Variants in NALCN observed in about 807,000 individuals in gnomAD.
NALCN encodes the protein sodium leak channel NALCN.
In NALCN, 111 loss-of-function variants were observed where a neutral mutation model predicts 225.3. The observed-to-expected ratio is 0.49, with a 90% CI of 0.42 to 0.58. The LOEUF (loss-of-function observed/expected upper bound fraction) is 0.58, where lower values mean the gene tolerates loss of function less well. NALCN is among the 20% of genes least tolerant of loss of function. NALCN has a pLI of 0.00. For synonymous variants in NALCN, 764 were observed against 769.0 expected, an observed-to-expected ratio of 0.99 and a Z score of 0.11; for missense variants, 1,378 against 2,202.4, an observed-to-expected ratio of 0.63 and a Z score of 7.49.
intron 6 of NALCN, among the ~76,000 whole-genome samples, chr13:101,350,094 CACTGGCCACCCT>C (rs1206049953): frequency 6.6e-6 from 1 of 152,168 alleles, no homozygotes; most frequent in Non-Finnish European, 1.5e-5. Context: ...CTGGCCTCCT[CACTGGCCACCCT>C]GCCTCCCACT....
chr13:101,287,759 G>A (rs1224863624), intron 9 of NALCN, among the ~76,000 whole-genome samples: 1 of 152,172 alleles, frequency 6.6e-6, no homozygotes, highest in East Asian at 1.9e-4. Flanking sequence ...ATTTGCAACT[G>A]CTACAGTTTT....
At chr13:101,194,756 C>A (rs2039821504) in intron 13 of NALCN, among the ~76,000 whole-genome samples, 1 of 152,208 alleles carries the variant, frequency 6.6e-6, no homozygotes, top group Non-Finnish European at 1.5e-5. Flanking sequence ...GTAATCCCAG[C>A]ACTTTGGGAG....
At chr13:101,395,952 A>G (rs544236934) in intron 2 of NALCN, among the ~76,000 whole-genome samples, 1 of 152,294 alleles carries the variant, frequency 6.6e-6, no homozygotes, top group Admixed American at 6.5e-5. Context: ...TATCTGATAT[A>G]TAATGCCTTT....
Position 101,055,127 on chromosome 13 carries a change from A to C in NALCN, c.*168T>G. 1 of 617,850 alleles carries C rather than the reference A, an allele frequency of 1.6e-6. No individual in the cohort carries two copies. The allele number at this position is 617,850 out of a possible 1,614,324, so 38.3% of individuals were successfully genotyped here. ...GAGCAATGATTGATAGTAACCCATC[A>C]TACATGCAGCTTATGCCTTTCTGTG... On this transcript the variant is annotated 3_prime_UTR_variant, in exon 44 of 44. Transcript: ENST00000251127.
rs1030911987 is a variant in NALCN, at chr13:101,286,110, T to C, written c.1048-2091A>G. 2.7e-4 allele frequency among the ~76,000 whole-genome samples: 41 copies of C among 152,240 alleles called. 1 individual carries two copies. The highest frequency in any genetic ancestry group is 2.5e-3 in the Admixed American group (38 of 15,290). Reference sequence around the variant, plus strand: ...TCAATTTCTCTTTAATCCCCTGAATTATACAACATTTAGATTGGTTAATAT... The same window carrying C: ...TCAATTTCTCTTTAATCCCCTGAATCATACAACATTTAGATTGGTTAATAT... On this transcript the variant is annotated intron_variant, in intron 9 of 43. Coordinates refer to ENST00000251127, the MANE Select transcript of NALCN (RefSeq NM_052867.4).
chr13:101,183,454 T>C (rs922919579), intron 14 of NALCN, among the ~76,000 whole-genome samples: 32 of 152,194 alleles, frequency 2.1e-4, no homozygotes, highest in Admixed American at 6.5e-5. Context: ...GTGATATTTC[T>C]ATTGAGTGAT....
At chr13:101,116,333 T>TATATATAA (rs527419441) in intron 18 of NALCN, 7 of 235,352 alleles carry the variant, frequency 3.0e-5, no homozygotes, top group Non-Finnish European at 5.1e-5. Flanking sequence ...TATATATATA[T>TATATATAA]AATCTTTTAT....
At chr13:101,380,417 G>A (rs952293851) in intron 3 of NALCN, among the ~76,000 whole-genome samples, 4 of 151,974 alleles carry the variant, frequency 2.6e-5, no homozygotes, top group Admixed American at 6.6e-5. Context: ...AATGCCTTTG[G>A]AATAATAAAA....
At position 101,083,621 on chromosome 13, in the gene NALCN, C is replaced by T. The variant is rs1323756062; in HGVS notation, c.3583+90G>A. Reference sequence around the variant, plus strand: ...CTTATGCACAACCTCCCAGCGGCCTCACGATTATTATTTTAATTTAAATCT... The same window carrying T: ...CTTATGCACAACCTCCCAGCGGCCTTACGATTATTATTTTAATTTAAATCT... On this transcript the variant is annotated intron_variant, in intron 31 of 43. Transcript: ENST00000251127. The T allele has an allele frequency of 3.8e-6, 5 of 1,304,882 alleles. No individual in the cohort carries two copies. In the African/African-American group the frequency reaches 4.4e-5, roughly 12 times the overall value. 80.8% of individuals were successfully genotyped at this position (1,304,882 alleles called of 1,614,324 possible).
At chr13:101,125,024 A>G (rs2036166748) in intron 17 of NALCN, among the ~76,000 whole-genome samples, 1 of 152,104 alleles carries the variant, frequency 6.6e-6, no homozygotes, top group Non-Finnish European at 1.5e-5. Flanking sequence ...TCTAATCCAC[A>G]TTATGTCTGC....
chr13:101,088,398 C>G (rs191470476), intron 30 of NALCN, among the ~76,000 whole-genome samples: 1 of 152,258 alleles, frequency 6.6e-6, no homozygotes, highest in South Asian at 2.1e-4. Flanking sequence ...TCGAGCAGCA[C>G]GGTGCTTTAC....
At chr13:101,107,396 AG>A (rs1340486878) in intron 22 of NALCN, 90 bp downstream of exon 22, 2 of 1,585,872 alleles carry the variant, frequency 1.3e-6, no homozygotes, top group African/African-American at 2.7e-5. Flanking sequence ...TGACCCCATT[AG>A]GATTACACGT....
chr13:101,375,791 C>A (rs2046672878), intron 6 of NALCN, among the ~76,000 whole-genome samples: 1 of 152,072 alleles, frequency 6.6e-6, no homozygotes, highest in Non-Finnish European at 1.5e-5. Context: ...CCCTGCTGCC[C>A]TGAAATCTGG....
At chr13:101,133,552 C>T (rs2036617725) in intron 17 of NALCN, among the ~76,000 whole-genome samples, 1 of 152,102 alleles carries the variant, frequency 6.6e-6, no homozygotes, top group Admixed American at 6.5e-5. Flanking sequence ...TAAGCAATTA[C>T]TTAAAATTGC....
intron 6 of NALCN, 50 bp downstream of exon 6, chr13:101,376,650 A>G (rs1238388124): frequency 1.3e-6 from 2 of 1,549,336 alleles, no homozygotes; most frequent in Admixed American, 4.2e-5. Context: ...AATTACAGAG[A>G]TATCTTTGTT....
At chr13:101,060,317 G>A (rs897539838) in intron 41 of NALCN, among the ~76,000 whole-genome samples, 15 of 115,104 alleles carry the variant, frequency 1.3e-4, no homozygotes, top group South Asian at 6.1e-4. Context: ...ACTATGTCCC[G>A]TAGACTAGAG....
At chr13:101,109,355 G>A (rs1159360057) in intron 20 of NALCN, among the ~76,000 whole-genome samples, 1 of 152,152 alleles carries the variant, frequency 6.6e-6, no homozygotes, top group Non-Finnish European at 1.5e-5. Context: ...TAGGGTATTG[G>A]TGATATCAGG....
intron 17 of NALCN, among the ~76,000 whole-genome samples, chr13:101,139,213 G>A (rs2139769432): frequency 6.6e-6 from 1 of 152,322 alleles, no homozygotes. Flanking sequence ...AGGTTGCCAT[G>A]GGAATTACTC....
chr13:101,111,645 T>C (rs930171504), intron 18 of NALCN, among the ~76,000 whole-genome samples: 3 of 152,094 alleles, frequency 2.0e-5, no homozygotes, highest in Non-Finnish European at 2.9e-5. Context: ...AATTGAATCA[T>C]GGGGGCAGGT....
Sources: allele counts gnomAD v4.1 joint callset (sites outside exome capture counted in the v4.1 genomes callset), GRCh38; gene constraint gnomAD v4.1.1; transcripts MANE v1.5; gene names NCBI Gene and HGNC (gene_info 2026-07-23, HGNC 2026-07-21).